RORA: variants seen among roughly 807,000 people sequenced by gnomAD.
RORA encodes the protein nuclear receptor ROR-alpha.
A neutral mutation model predicts 69.5 loss-of-function variants in RORA; 7 were observed. That is an observed-to-expected ratio of 0.10 (90% CI 0.06 to 0.19). The LOEUF (loss-of-function observed/expected upper bound fraction) is 0.19. Among genes scored for constraint, RORA ranks in the 10% least tolerant of loss-of-function variants. The pLI is 1.00. For synonymous variants in RORA, 261 were observed against 240.8 expected (o/e 1.08, Z -0.78); for missense variants, 457 against 663.0 (o/e 0.69, Z 3.41).
intron 1 of RORA, among the ~76,000 whole-genome samples, chr15:60,954,850 C>T (rs557651572): frequency 3.4e-4 from 52 of 152,126 alleles, no homozygotes; most frequent in Non-Finnish European, 6.9e-4. Context: ...AGATGGTGAG[C>T]TTCTTGAGGG....
At chr15:60,968,147 TG>T (rs1046344740) in intron 1 of RORA, among the ~76,000 whole-genome samples, 2 of 152,194 alleles carry the variant, frequency 1.3e-5, no homozygotes, top group African/African-American at 4.8e-5. Context: ...GGACTAACCC[TG>T]GTTGGGGAGA....
intron 2 of RORA, among the ~76,000 whole-genome samples, chr15:60,542,090 ATCTT>A (rs1386253888): frequency 2.0e-5 from 3 of 152,222 alleles, no homozygotes; most frequent in Non-Finnish European, 2.9e-5. Context: ...CAATAAGTGA[ATCTT>A]TCTAATTTGC....
chr15:60,760,994 A>G (rs1007875768), intron 1 of RORA, among the ~76,000 whole-genome samples: 3 of 152,012 alleles, frequency 2.0e-5, no homozygotes, highest in Non-Finnish European at 2.9e-5. Flanking sequence ...AATTAGTGCC[A>G]CCCTAAGTTT....
chr15:60,799,720 A>G (rs1345718897), intron 1 of RORA, among the ~76,000 whole-genome samples: 2 of 152,122 alleles, frequency 1.3e-5, no homozygotes, highest in Non-Finnish European at 2.9e-5. Flanking sequence ...TCTTTGTCTT[A>G]CTTTCCCCTG....
intron 1 of RORA, among the ~76,000 whole-genome samples, chr15:60,938,180 C>T (rs1295699925): frequency 2.0e-5 from 3 of 152,100 alleles, no homozygotes; most frequent in Non-Finnish European, 2.9e-5. Context: ...TACAGATATA[C>T]ACATCGTACA....
intron 1 of RORA, among the ~76,000 whole-genome samples, chr15:60,836,551 A>T (rs1315246226): frequency 6.6e-6 from 1 of 152,168 alleles, no homozygotes; most frequent in East Asian, 1.9e-4. Context: ...ATCTCTAAGC[A>T]GAGCTCTCCC....
At chr15:60,947,500 CGT>C in intron 1 of RORA, among the ~76,000 whole-genome samples, 1 of 151,736 alleles carries the variant, frequency 6.6e-6, no homozygotes, top group East Asian at 1.9e-4. Flanking sequence ...GCAGCATGCT[CGT>C]TAAGAGTCAT....
At chr15:60,976,527 C>A (rs1000205940) in intron 1 of RORA, among the ~76,000 whole-genome samples, 4 of 152,044 alleles carry the variant, frequency 2.6e-5, no homozygotes, top group Non-Finnish European at 5.9e-5. Context: ...GCATCAGCGG[C>A]GACATTTCAA....
At chr15:60,570,328 G>A (rs1428501467) in intron 2 of RORA, among the ~76,000 whole-genome samples, 1 of 152,010 alleles carries the variant, frequency 6.6e-6, no homozygotes, top group Non-Finnish European at 1.5e-5. Flanking sequence ...TGTTTTGTGT[G>A]GGTGTATGTG....
chr15:61,196,556 G>A (rs1286044544), intron 1 of RORA, among the ~76,000 whole-genome samples: 1 of 152,228 alleles, frequency 6.6e-6, no homozygotes, highest in Non-Finnish European at 1.5e-5. Flanking sequence ...GAGAGTACAT[G>A]AGGCTAACGC....
chr15:60,921,547 G>A (rs1892049080), intron 1 of RORA, among the ~76,000 whole-genome samples: 1 of 152,226 alleles, frequency 6.6e-6, no homozygotes, highest in African/African-American at 2.4e-5. Flanking sequence ...GCAAGGTCAT[G>A]AGGTGGTTTT....
At chr15:60,500,406 C>T (rs2065294544) in intron 9 of RORA, among the ~76,000 whole-genome samples, 1 of 152,030 alleles carries the variant, frequency 6.6e-6, no homozygotes, top group African/African-American at 2.4e-5. Flanking sequence ...TAATCTTTGT[C>T]AACTAAAATT....
At chr15:60,794,688 T>A (rs1375035259) in intron 1 of RORA, among the ~76,000 whole-genome samples, 1 of 152,232 alleles carries the variant, frequency 6.6e-6, no homozygotes, top group African/African-American at 2.4e-5. Flanking sequence ...ATGGCAATCA[T>A]TAATTTCTAA....
chr15:61,058,638 C>G (rs2078128266), intron 1 of RORA, among the ~76,000 whole-genome samples: 1 of 152,148 alleles, frequency 6.6e-6, no homozygotes, highest in African/African-American at 2.4e-5. Flanking sequence ...AGCCTTTGTG[C>G]TGGAGTGAGA....
At position 60,946,231 on chromosome 15, in the gene RORA, C is replaced by T. The variant is rs561681306; in HGVS notation, c.167-267545G>A. On this transcript the variant is annotated intron_variant, in intron 1 of 10. Transcript: ENST00000335670. ...TGGATGAATAAAACCAAAATGACTC[C>T]GACTCCCTCTCCCTCTCCCTCTCTC... Among the ~76,000 whole-genome samples, 10 of 146,462 alleles carry T rather than the reference C, an allele frequency of 6.8e-5. No homozygotes were observed. In the South Asian group the frequency reaches 2.1e-3, roughly 31 times the overall value.
chr15:60,546,113 G>A (rs977129823), intron 2 of RORA, among the ~76,000 whole-genome samples: 135 of 152,222 alleles, frequency 8.9e-4, no homozygotes, highest in Middle Eastern at 3.4e-3. Flanking sequence ...ATACTATGTG[G>A]CATCTCCATC....
intron 1 of RORA, among the ~76,000 whole-genome samples, chr15:60,719,733 T>G (rs553624229): frequency 7.9e-5 from 12 of 152,298 alleles, no homozygotes; most frequent in African/African-American, 2.9e-4. Context: ...AAACACAGCT[T>G]TCATGTTTTT....
chr15:60,615,464 G>C (rs186545192), intron 2 of RORA, among the ~76,000 whole-genome samples: 1 of 152,156 alleles, frequency 6.6e-6, no homozygotes, highest in Non-Finnish European at 1.5e-5. Context: ...GGCCTCCAAG[G>C]ACTTATCAGG....
intron 1 of RORA, among the ~76,000 whole-genome samples, chr15:60,955,084 A>T (rs1314065910): frequency 6.6e-6 from 1 of 152,104 alleles, no homozygotes; most frequent in Non-Finnish European, 1.5e-5. Flanking sequence ...TGGGTGGATC[A>T]TGAGGTTAGG....
Sources: gnomAD v4.1 joint callset for allele counts (sites outside exome capture counted in the v4.1 genomes callset) on GRCh38, gnomAD v4.1.1 for gene constraint, MANE v1.5 for transcripts, NCBI Gene and HGNC (gene_info 2026-07-23, HGNC 2026-07-21) for gene names.